Variants in NT5DC1 observed in about 807,000 individuals in gnomAD.
NT5DC1 encodes the protein 5'-nucleotidase domain-containing protein 1.
In NT5DC1, 42 loss-of-function variants were observed where a neutral mutation model predicts 59.4. The observed-to-expected ratio is 0.71, with a 90% confidence interval of 0.55 to 0.92. The LOEUF (loss-of-function observed/expected upper bound fraction) is 0.92. Among genes scored for constraint, NT5DC1 ranks in the 40% least tolerant of loss-of-function variants. The probability of loss-of-function intolerance (pLI) is 0.00; values close to 1 mark genes in which losing one functional copy is unlikely to be tolerated. For synonymous variants in NT5DC1, 172 were observed against 188.1 expected, an observed-to-expected ratio of 0.91 and a Z score of 0.70; for missense variants, 501 against 537.1, an observed-to-expected ratio of 0.93 and a Z score of 0.66.
chr6:116,150,215 G>T (rs1446532793), intron 6 of NT5DC1, among the ~76,000 whole-genome samples: 1 of 152,168 alleles, frequency 6.6e-6, no homozygotes, highest in Non-Finnish European at 1.5e-5. Context: ...CTTTCACATG[G>T]AGAGCATGCT....
At chr6:116,223,979 T>C (rs974462787) in intron 8 of NT5DC1, among the ~76,000 whole-genome samples, 2 of 152,168 alleles carry the variant, frequency 1.3e-5, no homozygotes, top group South Asian at 4.1e-4. Flanking sequence ...ATGATAAAAT[T>C]AACATACATG....
chr6:116,168,286 C>G (rs1780523124), intron 6 of NT5DC1, among the ~76,000 whole-genome samples: 1 of 151,928 alleles, frequency 6.6e-6, no homozygotes, highest in Non-Finnish European at 1.5e-5. Flanking sequence ...CACCTTCTCT[C>G]TTTTCTTGTC....
intron 6 of NT5DC1, chr6:116,119,776 T>G: frequency 7.5e-6 from 2 of 267,352 alleles, no homozygotes; most frequent in East Asian, 6.7e-5. Context: ...TTGTTGTTTG[T>G]TTTTTGTTGT....
At position 116,203,015 on chromosome 6, in the gene NT5DC1, AAATTT is replaced by A. The variant is rs1465971007; in HGVS notation, c.530-18030_530-18026del. On this transcript the variant is annotated intron_variant, in intron 6 of 11. Coordinates refer to ENST00000319550, the MANE Select transcript of NT5DC1 (RefSeq NM_152729.3). Reference sequence around the variant, plus strand: ...TTTCACTTAATACAAGTGGTTTTTTAAATTTAATTTAATACACAAATTTTTTCCCA... The same window carrying A: ...TTTCACTTAATACAAGTGGTTTTTTAAATTTAATACACAAATTTTTTCCCA... Among the ~76,000 whole-genome samples the A allele has an allele frequency of 3.2e-4, 48 of 152,150 alleles. 1 individual carries two copies. Among genetic ancestry groups the A allele is most frequent in the Middle Eastern group, 3.4e-3 (1 of 294 alleles).
At chr6:116,134,813 A>AT (rs1046356069) in intron 6 of NT5DC1, among the ~76,000 whole-genome samples, 5 of 152,220 alleles carry the variant, frequency 3.3e-5, no homozygotes, top group Admixed American at 3.3e-4. Flanking sequence ...AATTTCAGAG[A>AT]TTTTTCAAAG....
Position 116,100,998 on chromosome 6 carries a change from G to C in NT5DC1, c.68G>C (p.Arg23Pro), listed in dbSNP as rs1295473708. 4 of 1,601,104 alleles carry C rather than the reference G, an allele frequency of 2.5e-6. No homozygotes were observed. Among genetic ancestry groups the C allele is most frequent in the Non-Finnish European group, 3.4e-6 (4 of 1,175,376 alleles). ...VGFDLDHTLC[R>P]YNLPESAPLI... Reference sequence around the variant, plus strand: ...TTCGACCTGGACCACACTCTGTGTCGCTACAACCTGCCCGAGAGCGCCCCG... The same window carrying C: ...TTCGACCTGGACCACACTCTGTGTCCCTACAACCTGCCCGAGAGCGCCCCG... The change falls in exon 1 of 12, where the codon CGC (arginine) becomes CCC (proline). Residue 23 changes from arginine (R) to proline (P), a missense_variant. Arg to Pro is a moderately radical substitution (Grantham distance 103). Transcript: ENST00000319550.
intron 6 of NT5DC1, among the ~76,000 whole-genome samples, chr6:116,212,198 T>C (rs1447691734): frequency 1.3e-5 from 2 of 151,996 alleles, no homozygotes; most frequent in Non-Finnish European, 2.9e-5. Context: ...TTTAGTATGT[T>C]CTTTTTTCCT....
intron 6 of NT5DC1, among the ~76,000 whole-genome samples, chr6:116,190,025 G>T (rs1348624593): frequency 1.3e-5 from 2 of 151,982 alleles, no homozygotes; most frequent in Non-Finnish European, 2.9e-5. Context: ...TCAGTTTAAT[G>T]TGGGCAGATT....
chr6:116,197,888 A>C (rs1305002171), intron 6 of NT5DC1, among the ~76,000 whole-genome samples: 1 of 151,012 alleles, frequency 6.6e-6, no homozygotes, highest in Non-Finnish European at 1.5e-5. Context: ...CTTTATATAC[A>C]CATGTCTACT....
intron 1 of NT5DC1, among the ~76,000 whole-genome samples, 154 bp downstream of exon 1, chr6:116,101,177 G>A (rs1778641758): frequency 6.6e-6 from 1 of 152,218 alleles, no homozygotes; most frequent in African/African-American, 2.4e-5. Flanking sequence ...GAGAAGGGGC[G>A]GAAGTGTGCA....
intron 6 of NT5DC1, among the ~76,000 whole-genome samples, chr6:116,197,982 A>G (rs1369662516): frequency 1.3e-5 from 2 of 152,060 alleles, no homozygotes; most frequent in African/African-American, 4.8e-5. Context: ...GGCAGTGGCA[A>G]TTTATGGCCC....
intron 7 of NT5DC1, among the ~76,000 whole-genome samples, 185 bp from the exon 8 acceptor site, chr6:116,222,845 TACTC>T (rs1243118399): frequency 1.3e-5 from 2 of 152,208 alleles, no homozygotes; most frequent in African/African-American, 2.4e-5. Context: ...GGAAGACTAG[TACTC>T]ACCCACCTTC....
chr6:116,153,329 C>A (rs1386925441), intron 6 of NT5DC1, among the ~76,000 whole-genome samples: 1 of 114,840 alleles, frequency 8.7e-6, no homozygotes, highest in Non-Finnish European at 1.8e-5. Flanking sequence ...CCATAAACAT[C>A]AGCTCTAAAA....
intron 8 of NT5DC1, among the ~76,000 whole-genome samples, chr6:116,236,245 C>T (rs193007838): frequency 3.7e-4 from 56 of 152,324 alleles, no homozygotes; most frequent in African/African-American, 1.3e-3. Flanking sequence ...TCATGTATTT[C>T]ATAAAACCTT....
intron 7 of NT5DC1, 35 bp from the exon 8 acceptor site, chr6:116,222,999 T>C (rs1323106192): frequency 1.7e-6 from 2 of 1,152,732 alleles, no homozygotes; most frequent in African/African-American, 1.5e-5. Flanking sequence ...TTCTAATTCT[T>C]AAAATAAACT....
At position 116,170,169 on chromosome 6, in the gene NT5DC1, G is replaced by A. The variant is rs565864660; in HGVS notation, c.530-50885G>A. Among the ~76,000 whole-genome samples the A allele has an allele frequency of 2.8e-4, 42 of 152,212 alleles. 2 individuals are homozygous for A. The South Asian group carries it at 8.3e-3, about 30-fold the overall frequency. The stretch of plus-strand genomic sequence containing the variant: ...TGTCTTTATATATAAACATTCTGTC[G>A]GTTTTGCTGTGAAGTGGAGAGACAA... On this transcript the variant is annotated intron_variant, in intron 6 of 11. Transcript: ENST00000319550.
In NT5DC1 at chr6:116,192,321, A is replaced by G. The variant is rs76326484; in HGVS notation, c.530-28733A>G. Reference sequence around the variant, plus strand: ...AGGAGCTCTCAATAAATATCAGCAGATAATATTAATAATGAAAAGGCATTA... The same window carrying G: ...AGGAGCTCTCAATAAATATCAGCAGGTAATATTAATAATGAAAAGGCATTA... On this transcript the variant is annotated intron_variant, in intron 6 of 11. Transcript: ENST00000319550. Among the ~76,000 whole-genome samples, 22 of 152,160 alleles carry G rather than the reference A, an allele frequency of 1.4e-4. No individual in the cohort carries two copies. In the East Asian group the frequency reaches 4.3e-3, roughly 30 times the overall value.
intron 6 of NT5DC1, among the ~76,000 whole-genome samples, chr6:116,171,310 T>G (rs1408559979): frequency 1.3e-5 from 2 of 152,228 alleles, no homozygotes; most frequent in African/African-American, 4.8e-5. Flanking sequence ...ATGTGGTTTT[T>G]GCTTTGACTA....
chr6:116,235,793 A>G (rs1250667617), intron 8 of NT5DC1, among the ~76,000 whole-genome samples: 11 of 152,242 alleles, frequency 7.2e-5, no homozygotes, highest in African/African-American at 2.4e-4. Context: ...AGTTAAAGGT[A>G]CTAACATTGC....
Sources: allele counts gnomAD v4.1 joint callset (sites outside exome capture counted in the v4.1 genomes callset), GRCh38; gene constraint gnomAD v4.1.1; transcripts MANE v1.5; gene names NCBI Gene and HGNC (gene_info 2026-07-23, HGNC 2026-07-21).